CACNB2: variants seen among roughly 807,000 people sequenced by gnomAD.
CACNB2 encodes calcium voltage-gated channel auxiliary subunit beta 2.
Under a neutral mutation model 73.3 loss-of-function variants are expected in CACNB2, and 42 were observed. That is an observed-to-expected ratio of 0.57 (90% CI 0.45 to 0.74). CACNB2 has a LOEUF of 0.74. Among genes scored for constraint, CACNB2 ranks in the 30% least tolerant of loss-of-function variants. CACNB2 has a pLI of 0.00. For missense variants in CACNB2, 940 were observed against 853.0 expected (o/e 1.10, Z -1.27); for synonymous variants, 348 against 310.3 (o/e 1.12, Z -1.28).
intron 3 of CACNB2, among the ~76,000 whole-genome samples, chr10:18,484,594 A>C (rs2048965147): frequency 6.6e-6 from 1 of 152,098 alleles, no homozygotes; most frequent in African/African-American, 2.4e-5. Context: ...GAACCCAGAC[A>C]CCTGAGAATC....
chr10:18,479,333 C>T (rs549040339), intron 3 of CACNB2, among the ~76,000 whole-genome samples: 12 of 152,224 alleles, frequency 7.9e-5, no homozygotes, highest in African/African-American at 2.4e-4. Context: ...GATCCTATCT[C>T]TTAACAGATC....
chr10:18,454,448 G>A (rs1456170049), intron 3 of CACNB2, among the ~76,000 whole-genome samples: 3 of 151,966 alleles, frequency 2.0e-5, no homozygotes, highest in South Asian at 2.1e-4. Flanking sequence ...CTATACCACC[G>A]TGTATTTTTC....
At chr10:18,378,925 C>A (rs2042907358) in intron 2 of CACNB2, among the ~76,000 whole-genome samples, 1 of 152,182 alleles carries the variant, frequency 6.6e-6, no homozygotes, top group Admixed American at 6.6e-5. Context: ...TGAGTGCCTG[C>A]CAGCCCAGGG....
intron 3 of CACNB2, among the ~76,000 whole-genome samples, chr10:18,405,129 A>G (rs1380168582): frequency 6.6e-6 from 1 of 152,166 alleles, no homozygotes; most frequent in Non-Finnish European, 1.5e-5. Flanking sequence ...TTGAGATATA[A>G]TTCACCCATT....
intron 3 of CACNB2, among the ~76,000 whole-genome samples, chr10:18,491,553 G>A (rs563017986): frequency 1.9e-4 from 29 of 152,144 alleles, no homozygotes; most frequent in African/African-American, 5.1e-4. Context: ...GCACCACTTC[G>A]TTCCAGCCTG....
chr10:18,427,442 C>G (rs562118829), intron 3 of CACNB2, among the ~76,000 whole-genome samples: 151 of 152,106 alleles, frequency 9.9e-4, no homozygotes, highest in African/African-American at 3.4e-3. Context: ...CTCTAATTTT[C>G]CTTTCTTATC....
rs557598188 is a variant in CACNB2, at chr10:18,368,010, C to T, written c.214-33914C>T. Among the ~76,000 whole-genome samples the T allele has an allele frequency of 4.6e-5, 7 of 152,174 alleles. No homozygotes were observed. The East Asian group carries it at 5.8e-4, about 13-fold the overall frequency. On this transcript the variant is annotated intron_variant, in intron 2 of 13. Coordinates refer to ENST00000324631, the MANE Select transcript of CACNB2 (RefSeq NM_201596.3). ...GAAAACGAAATTCCCTTTTTAGGTG[C>T]GTTTGGGGGTACAGTAGAATGAGAT... is the stretch of plus-strand genomic sequence containing the variant.
chr10:18,246,363 A>G (rs142183011), intron 2 of CACNB2, among the ~76,000 whole-genome samples: 144 of 152,270 alleles, frequency 9.5e-4, no homozygotes, highest in African/African-American at 3.2e-3. Flanking sequence ...GGAACTTCCA[A>G]ATTTTGAGAG....
At chr10:18,468,294 C>CA (rs1404737105) in intron 3 of CACNB2, among the ~76,000 whole-genome samples, 1 of 151,978 alleles carries the variant, frequency 6.6e-6, no homozygotes, top group Non-Finnish European at 1.5e-5. Context: ...CCCATCTCCA[C>CA]AAAAAACACT....
rs2053987123 is a variant in CACNB2, at chr10:18,540,112, T to TTAA, written c.*391_*393dup. The TTAA allele has an allele frequency of 5.2e-6, 1 of 193,878 alleles. No homozygotes were observed. Among genetic ancestry groups the TTAA allele is most frequent in the African/African-American group, 2.4e-5 (1 of 42,304 alleles). 12.0% of individuals were successfully genotyped at this position (193,878 alleles called of 1,614,324 possible). The stretch of plus-strand genomic sequence containing the variant: ...TGGAATTTCTTGTTTCTCCAGATTT[T>TTAA]TAATACGTTAATACGCAGGCATCTG... On this transcript the variant is annotated 3_prime_UTR_variant, in exon 14 of 14. Transcript: ENST00000324631.
intron 3 of CACNB2, among the ~76,000 whole-genome samples, chr10:18,402,874 C>T (rs543750949): frequency 6.6e-6 from 1 of 152,122 alleles, no homozygotes; most frequent in African/African-American, 2.4e-5. Flanking sequence ...GGCTAAGTGC[C>T]TTGTTGATCA....
intron 3 of CACNB2, among the ~76,000 whole-genome samples, chr10:18,464,679 C>T (rs1359343459): frequency 6.6e-6 from 1 of 152,202 alleles, no homozygotes; most frequent in Non-Finnish European, 1.5e-5. Flanking sequence ...ACCACTACCA[C>T]ACATCTCCAA....
At chr10:18,353,434 T>C (rs569527990) in intron 2 of CACNB2, among the ~76,000 whole-genome samples, 1 of 152,134 alleles carries the variant, frequency 6.6e-6, no homozygotes, top group South Asian at 2.1e-4. Context: ...ATTATGATTC[T>C]ATATGAAACG....
At chr10:18,179,440 T>G (rs1341373758) in intron 2 of CACNB2, among the ~76,000 whole-genome samples, 1 of 152,210 alleles carries the variant, frequency 6.6e-6, no homozygotes, top group Non-Finnish European at 1.5e-5. Flanking sequence ...TTCCATTTAG[T>G]CTGTAACTTA....
chr10:18,408,626 C>T (rs968553346), intron 3 of CACNB2, among the ~76,000 whole-genome samples: 2 of 152,136 alleles, frequency 1.3e-5, no homozygotes, highest in African/African-American at 2.4e-5. Context: ...GTTTACAAAA[C>T]ACAAGCCTAA....
chr10:18,368,970 C>G (rs1191022566), intron 2 of CACNB2, among the ~76,000 whole-genome samples: 2 of 152,114 alleles, frequency 1.3e-5, no homozygotes, highest in African/African-American at 4.8e-5. Context: ...TTGAAATGTA[C>G]TGGTAATTTA....
Position 18,338,175 on chromosome 10 carries a change from G to A in CACNB2, c.214-63749G>A, listed in dbSNP as rs566155104. ...TATTTTCAAATTACATACCTGATAC[G>A]GGGTTAATACCCCAAATATATAAAG... On this transcript the variant is annotated intron_variant, in intron 2 of 13. Coordinates refer to ENST00000324631, the MANE Select transcript of CACNB2 (RefSeq NM_201596.3). Among the ~76,000 whole-genome samples the A allele has an allele frequency of 1.1e-4, 16 of 152,250 alleles. No individual in the cohort carries two copies. The South Asian group carries it at 1.4e-3, about 14-fold the overall frequency.
chr10:18,489,046 G>T (rs777963901), intron 3 of CACNB2, among the ~76,000 whole-genome samples: 3 of 151,932 alleles, frequency 2.0e-5, no homozygotes, highest in Non-Finnish European at 2.9e-5. Context: ...GGGCACGGTG[G>T]CTCACACTTA....
rs192303538 is a variant in CACNB2, at chr10:18,491,387, C to A, written c.334-6968C>A. ...TCACTTGAGGCCAGGAGTTCAAGAC[C>A]AGCCTGGGCATCAAAGCGAGACCTC... On this transcript the variant is annotated intron_variant, in intron 3 of 13. Coordinates refer to ENST00000324631, the MANE Select transcript of CACNB2 (RefSeq NM_201596.3). 8.5e-5 allele frequency among the ~76,000 whole-genome samples: 13 copies of A among 152,282 alleles called. No individual in the cohort carries two copies. The East Asian group carries it at 2.5e-3, about 29-fold the overall frequency.
Sources: allele counts gnomAD v4.1 joint callset (sites outside exome capture counted in the v4.1 genomes callset), GRCh38; gene constraint gnomAD v4.1.1; transcripts MANE v1.5; gene names NCBI Gene and HGNC (gene_info 2026-07-23, HGNC 2026-07-21).